The following CGGBP1 variants were observed in gnomAD, a reference collection of about 807,000 sequenced individuals.
The protein encoded by CGGBP1 is CGG triplet repeat-binding protein 1.
A neutral mutation model predicts 11.4 loss-of-function variants in CGGBP1; 4 were observed. The observed-to-expected ratio is 0.35, with a 90% CI of 0.17 to 0.80. CGGBP1 has a LOEUF of 0.80. Among genes scored for constraint, CGGBP1 ranks in the 30% least tolerant of loss-of-function variants. CGGBP1 has a pLI of 0.52. For synonymous variants in CGGBP1, 76 were observed against 74.1 expected (o/e 1.03, Z -0.13); for missense variants, 135 against 202.1 (o/e 0.67, Z 2.01).
chr3:88,073,915 T>C (rs1417792916), intron 2 of CGGBP1, among the ~76,000 whole-genome samples: 1 of 152,210 alleles, frequency 6.6e-6, no homozygotes, highest in African/African-American at 2.4e-5. Flanking sequence ...TAGTAATGTC[T>C]CAGTACTTAA....
intron 2 of CGGBP1, among the ~76,000 whole-genome samples, chr3:88,077,334 G>GTT (rs1211322878): frequency 7.0e-6 from 1 of 143,162 alleles, no homozygotes; most frequent in African/African-American, 2.8e-5. Flanking sequence ...GACTTAAATT[G>GTT]TTTTTTTTTT....
chr3:88,059,636 A>C, upstream of CGGBP1: 2 of 1,235,940 alleles, frequency 1.6e-6, no homozygotes, highest in Non-Finnish European at 2.1e-6. Context: ...GTGAGGCTGA[A>C]GCTCCCTCCT....
chr3:88,135,569 A>G (rs1434928650), intron 2 of CGGBP1: 1 of 155,522 alleles, frequency 6.4e-6, no homozygotes, highest in Non-Finnish European at 1.4e-5. Context: ...ACTTAGTTCC[A>G]GTTTTAGGTC....
chr3:88,107,115 C>G (rs1704791111), intron 2 of CGGBP1, among the ~76,000 whole-genome samples: 1 of 152,142 alleles, frequency 6.6e-6, no homozygotes, highest in Non-Finnish European at 1.5e-5. Context: ...CTTGAAGATA[C>G]TTTTACTGTA....
At chr3:88,075,434 C>T (rs899585053) in intron 2 of CGGBP1, among the ~76,000 whole-genome samples, 1 of 152,174 alleles carries the variant, frequency 6.6e-6, no homozygotes, top group Non-Finnish European at 1.5e-5. Flanking sequence ...TTTTTGTGCC[C>T]TCATATTTGT....
At chr3:88,134,707 T>A (rs1706667984) in intron 2 of CGGBP1, among the ~76,000 whole-genome samples, 1 of 152,114 alleles carries the variant, frequency 6.6e-6, no homozygotes, top group African/African-American at 2.4e-5. Context: ...TTTTCTAAAT[T>A]TACAAGTAAA....
chr3:88,099,710 A>G (rs1390182369), intron 2 of CGGBP1, among the ~76,000 whole-genome samples: 3 of 152,236 alleles, frequency 2.0e-5, no homozygotes. Context: ...CCTGACAAAA[A>G]CAAGAAATGG....
intron 2 of CGGBP1, among the ~76,000 whole-genome samples, chr3:88,102,959 T>C (rs1325041790): frequency 2.6e-5 from 4 of 151,788 alleles, no homozygotes; most frequent in Admixed American, 2.6e-4. Context: ...TACTAACCAC[T>C]AGATAGTTTT....
chr3:88,053,531 T>A lies in CGGBP1; in HGVS notation c.*1942A>T, dbSNP rs1269731928. On this transcript the variant is annotated 3_prime_UTR_variant, in exon 4 of 4. Coordinates refer to ENST00000482016, the MANE Select transcript of CGGBP1 (RefSeq NM_001008390.2). ...TCTAATGCAACATCATCCAGTTTAC[T>A]GCTTAGGACCACTCTCAAAGCTGAT... is the stretch of plus-strand genomic sequence containing the variant. 5 of 152,238 alleles carry A rather than the reference T, an allele frequency of 3.3e-5. No homozygotes were observed. Among genetic ancestry groups the A allele is most frequent in the African/African-American group, 4.8e-5 (2 of 41,464 alleles). The allele number at this position is 152,238 out of a possible 1,614,324, so 9.4% of individuals were successfully genotyped here.
In CGGBP1 at chr3:88,053,392, G is replaced by C. The variant is rs1434900736; in HGVS notation, c.*2081C>G. The C allele has an allele frequency of 6.6e-6, 1 of 152,128 alleles. No individual in the cohort carries two copies. Among genetic ancestry groups the C allele is most frequent in the Non-Finnish European group, 1.5e-5 (1 of 67,970 alleles). The allele number at this position is 152,128 out of a possible 1,614,324, so 9.4% of individuals were successfully genotyped here. ...AGAATGGACTATGCCCCTAGTTACA[G>C]TGAATGTGGGAATTAATTAGGAGTC... On this transcript the variant is annotated 3_prime_UTR_variant, in exon 4 of 4. Coordinates refer to ENST00000482016, the MANE Select transcript of CGGBP1 (RefSeq NM_001008390.2).
At position 88,083,941 on chromosome 3, in the gene CGGBP1, T is replaced by TTATATATA. The variant is rs78670676; in HGVS notation, c.-228-25726_-228-25719dup. 3.0e-3 allele frequency among the ~76,000 whole-genome samples: 439 copies of TTATATATA among 147,758 alleles called. 3 individuals are homozygous for TTATATATA. Among genetic ancestry groups the TTATATATA allele is most frequent in the African/African-American group, 0.01 (413 of 40,100 alleles). On this transcript the variant is annotated intron_variant, in intron 2 of 3. Coordinates refer to the CGGBP1 transcript ENST00000462901. ...AATAGGACAATGTAATGTACTTATT[T>TTATATATA]TATATATATATATATATATATATAT...
intron 2 of CGGBP1, among the ~76,000 whole-genome samples, chr3:88,108,773 T>A (rs1704901655): frequency 6.6e-6 from 1 of 151,914 alleles, no homozygotes; most frequent in Non-Finnish European, 1.5e-5. Context: ...AATTCATATA[T>A]GCCAAAGAAA....
At chr3:88,107,068 C>T (rs1451090937) in intron 2 of CGGBP1, among the ~76,000 whole-genome samples, 2 of 152,110 alleles carry the variant, frequency 1.3e-5, no homozygotes, top group African/African-American at 2.4e-5. Context: ...TTGCCAGATA[C>T]ACAATTTTGT....
At chr3:88,082,385 A>G (rs1187934609) in intron 2 of CGGBP1, among the ~76,000 whole-genome samples, 1 of 152,190 alleles carries the variant, frequency 6.6e-6, no homozygotes, top group Non-Finnish European at 1.5e-5. Flanking sequence ...TTGGCCTCCC[A>G]AAGTGTTGGG....
intron 2 of CGGBP1, chr3:88,140,478 A>G (rs996386913): frequency 1.2e-6 from 2 of 1,613,640 alleles, no homozygotes; most frequent in Admixed American, 1.7e-5. Flanking sequence ...GAAAACAGAC[A>G]GTTTAGTTCA....
chr3:88,105,897 G>A (rs562157728), intron 2 of CGGBP1, among the ~76,000 whole-genome samples: 1 of 152,244 alleles, frequency 6.6e-6, no homozygotes, highest in African/African-American at 2.4e-5. Flanking sequence ...AGGCCATGAG[G>A]GCCTGCCCTC....
intron 2 of CGGBP1, among the ~76,000 whole-genome samples, chr3:88,071,998 A>T (rs560231261): frequency 6.6e-6 from 1 of 152,262 alleles, no homozygotes; most frequent in African/African-American, 2.4e-5. Context: ...TCTTACTATC[A>T]ATCAGTTGAA....
chr3:88,116,529 GA>G (rs199711763), intron 2 of CGGBP1, among the ~76,000 whole-genome samples: 23 of 133,482 alleles, frequency 1.7e-4, no homozygotes, highest in East Asian at 1.3e-3. Flanking sequence ...TGTCTCAAAA[GA>G]AAAAAAAATA....
intron 2 of CGGBP1, among the ~76,000 whole-genome samples, chr3:88,113,810 T>C (rs1705234226): frequency 1.6e-5 from 1 of 62,748 alleles, no homozygotes; most frequent in South Asian, 1.0e-3. Flanking sequence ...AACTGAAATA[T>C]ACAGACAACA....
Sources: gnomAD v4.1 joint callset for allele counts (sites outside exome capture counted in the v4.1 genomes callset) on GRCh38, gnomAD v4.1.1 for gene constraint, MANE v1.5 for transcripts, NCBI Gene and HGNC (gene_info 2026-07-23, HGNC 2026-07-21) for gene names.